Variants in AGBL4 observed in about 807,000 individuals in gnomAD.
AGBL4 encodes cytosolic carboxypeptidase 6.
A neutral mutation model predicts 66.4 loss-of-function variants in AGBL4; 58 were observed. That is an observed-to-expected ratio of 0.87 (90% CI 0.71 to 1.09). The LOEUF is 1.09. Among genes scored for constraint, AGBL4 ranks in the 50% least tolerant of loss-of-function variants. The pLI, the probability that AGBL4 is intolerant of heterozygous loss-of-function variation, is 0.00. For synonymous variants in AGBL4, 234 were observed against 222.9 expected (o/e 1.05, Z -0.44); for missense variants, 579 against 631.0 (o/e 0.92, Z 0.88).
chr1:48,896,655 G>A (rs546237877), intron 5 of AGBL4, among the ~76,000 whole-genome samples: 83 of 91,272 alleles, frequency 9.1e-4, no homozygotes, highest in Non-Finnish European at 1.6e-3. Context: ...GGCAGGGGAT[G>A]CAATGGGGAG....
chr1:48,539,410 G>A (rs780351466), intron 12 of AGBL4, among the ~76,000 whole-genome samples: 4 of 152,064 alleles, frequency 2.6e-5, no homozygotes, highest in Non-Finnish European at 5.9e-5. Flanking sequence ...GGATTCCTAA[G>A]TTAGAACCAG....
At chr1:48,642,940 C>T (rs1324297988) in intron 8 of AGBL4, among the ~76,000 whole-genome samples, 3 of 152,194 alleles carry the variant, frequency 2.0e-5, no homozygotes, top group South Asian at 2.1e-4. Flanking sequence ...GGATAAAACC[C>T]TGGCTTGGCC....
At chr1:49,948,560 T>TA (rs1334516996) in intron 1 of AGBL4, among the ~76,000 whole-genome samples, 51 of 100,822 alleles carry the variant, frequency 5.1e-4, no homozygotes, top group South Asian at 8.6e-4. Context: ...TATAAATATA[T>TA]AAAAATATAT....
At chr1:49,530,824 A>C (rs1397935383) in intron 3 of AGBL4, among the ~76,000 whole-genome samples, 2 of 152,066 alleles carry the variant, frequency 1.3e-5, no homozygotes, top group Non-Finnish European at 2.9e-5. Flanking sequence ...TATAAGCCCT[A>C]GTGTTAGACT....
chr1:49,466,660 T>C (rs1438702390), intron 3 of AGBL4, among the ~76,000 whole-genome samples: 1 of 151,820 alleles, frequency 6.6e-6, no homozygotes. Flanking sequence ...CTTCTATTAA[T>C]TAATCTAACT....
intron 3 of AGBL4, among the ~76,000 whole-genome samples, chr1:49,492,917 T>C (rs547518529): frequency 6.6e-6 from 1 of 151,978 alleles, no homozygotes; most frequent in Non-Finnish European, 1.5e-5. Context: ...CAATTGAGCA[T>C]GACTGGGTAG....
intron 3 of AGBL4, among the ~76,000 whole-genome samples, chr1:49,471,540 C>T (rs1037479588): frequency 6.6e-6 from 1 of 151,636 alleles, no homozygotes; most frequent in African/African-American, 2.4e-5. Flanking sequence ...TAACTAGGGA[C>T]CTTGGGACCC....
intron 4 of AGBL4, among the ~76,000 whole-genome samples, chr1:49,183,785 G>C (rs989644176): frequency 1.3e-5 from 2 of 152,036 alleles, no homozygotes; most frequent in Non-Finnish European, 1.5e-5. Flanking sequence ...TGTTTAGATA[G>C]CTCTTATATT....
intron 6 of AGBL4, among the ~76,000 whole-genome samples, chr1:48,763,390 G>A (rs554259959): frequency 1.6e-4 from 25 of 152,276 alleles, no homozygotes; most frequent in African/African-American, 6.0e-4. Context: ...AATCATTGCT[G>A]ACTTCTAAGT....
At chr1:48,906,216 A>G (rs1652572350) in intron 5 of AGBL4, among the ~76,000 whole-genome samples, 1 of 152,232 alleles carries the variant, frequency 6.6e-6, no homozygotes, top group African/African-American at 2.4e-5. Context: ...ATATTAAACA[A>G]TAAACTTAAT....
chr1:49,395,563 T>TGTGA (rs1557899824), intron 3 of AGBL4, among the ~76,000 whole-genome samples: 1 of 148,552 alleles, frequency 6.7e-6, no homozygotes, highest in African/African-American at 2.5e-5. Flanking sequence ...TGTGTGTGTG[T>TGTGA]GATATTATAT....
In AGBL4 at chr1:49,017,758, C is replaced by T. The variant is rs531550252; in HGVS notation, c.594+27826G>A. 4.6e-5 allele frequency among the ~76,000 whole-genome samples: 7 copies of T among 152,220 alleles called. No individual in the cohort carries two copies. The South Asian group carries it at 1.4e-3, about 32-fold the overall frequency. ...ATATTGAACGAATGAATTAAAATAACAAAATAATGAGTCCAGTGGATACAC... is the reference window on the plus strand; with the variant it reads ...ATATTGAACGAATGAATTAAAATAATAAAATAATGAGTCCAGTGGATACAC... On this transcript the variant is annotated intron_variant, in intron 5 of 13. Transcript: ENST00000371839.
At chr1:49,159,776 T>G (rs1358684526) in intron 4 of AGBL4, among the ~76,000 whole-genome samples, 5 of 152,142 alleles carry the variant, frequency 3.3e-5, no homozygotes, top group Admixed American at 3.3e-4. Flanking sequence ...CATTCTTTAT[T>G]CTCTAATCTT....
intron 2 of AGBL4, among the ~76,000 whole-genome samples, chr1:49,848,264 T>C (rs1039852423): frequency 1.3e-5 from 2 of 152,144 alleles, no homozygotes; most frequent in Non-Finnish European, 2.9e-5. Context: ...TTCAAAGATA[T>C]TTTTCTAAGA....
At chr1:49,700,284 A>T (rs982403234) in intron 2 of AGBL4, among the ~76,000 whole-genome samples, 1 of 146,576 alleles carries the variant, frequency 6.8e-6, no homozygotes, top group Non-Finnish European at 1.5e-5. Flanking sequence ...CACCAAGAAC[A>T]TATAAAAACA....
chr1:48,919,516 C>T (rs1653902721), intron 5 of AGBL4, among the ~76,000 whole-genome samples: 1 of 152,186 alleles, frequency 6.6e-6, no homozygotes, highest in Non-Finnish European at 1.5e-5. Flanking sequence ...ACCAGCAACA[C>T]ATCATTCAAG....
intron 6 of AGBL4, 141 bp downstream of exon 6, chr1:48,867,050 G>A (rs1217155936): frequency 8.4e-6 from 8 of 951,006 alleles, no homozygotes; most frequent in Non-Finnish European, 1.3e-5. Context: ...TAGGGGAGGA[G>A]AAGAATCATT....
chr1:49,880,020 T>C (rs1571786101), intron 1 of AGBL4, among the ~76,000 whole-genome samples: 2 of 151,190 alleles, frequency 1.3e-5, no homozygotes, highest in East Asian at 3.9e-4. Flanking sequence ...ATCAGCTCCT[T>C]TAAGCACTTC....
At chr1:48,810,474 CTTGGGTTTCAATCCCAGTCTACCA>C (rs1006407474) in intron 6 of AGBL4, among the ~76,000 whole-genome samples, 1 of 152,214 alleles carries the variant, frequency 6.6e-6, no homozygotes, top group African/African-American at 2.4e-5. Flanking sequence ...CCTAGATCAT[CTTGGGTTTCAATCCCAGTCTACCA>C]TTGATTAGAT....
Sources: gnomAD v4.1 joint callset for allele counts (sites outside exome capture counted in the v4.1 genomes callset) on GRCh38, gnomAD v4.1.1 for gene constraint, MANE v1.5 for transcripts, NCBI Gene and HGNC (gene_info 2026-07-23, HGNC 2026-07-21) for gene names.